Variants in WDR64 observed in about 807,000 individuals in gnomAD.
The protein encoded by WDR64 is WD repeat-containing protein 64.
A neutral mutation model predicts 139.3 loss-of-function variants in WDR64; 112 were observed. The ratio of observed to expected loss-of-function variants is 0.80; its 90% CI spans 0.69 to 0.94. The LOEUF (loss-of-function observed/expected upper bound fraction) is 0.94, where lower values mean the gene tolerates loss of function less well. Among genes scored for constraint, WDR64 ranks in the 40% least tolerant of loss-of-function variants. The pLI, the probability that WDR64 is intolerant of heterozygous loss-of-function variation, is 0.00. For missense variants in WDR64, 1,206 were observed against 1,293.1 expected (o/e 0.93, Z 1.03); for synonymous variants, 444 against 437.7 (o/e 1.01, Z -0.18).
At chr1:241,777,452 C>G (rs1658694775) in intron 21 of WDR64, among the ~76,000 whole-genome samples, 1 of 149,186 alleles carries the variant, frequency 6.7e-6, no homozygotes. Context: ...GAGTCTCGCT[C>G]TATTGCTCAG....
At position 241,660,561 on chromosome 1, in the gene WDR64, G is replaced by C; in HGVS notation, c.177G>C (p.Ser59=). Residue 59 remains serine (S), a synonymous_variant, in exon 2 of 28, where the codon TCG becomes TCC. Coordinates refer to ENST00000437684, the MANE Select transcript of WDR64 (RefSeq NM_001367482.1). ...DAIGYDKFYA[S]VQKLFGPDVK... Reference sequence around the variant, plus strand: ...TTGGTTATGACAAGTTTTATGCATCGGTACAGAAGCTCTTTGGTCCAGATG... The same window carrying C: ...TTGGTTATGACAAGTTTTATGCATCCGTACAGAAGCTCTTTGGTCCAGATG... 2 of 1,551,676 alleles carry C rather than the reference G, an allele frequency of 1.3e-6. No individual in the cohort carries two copies. Among genetic ancestry groups the C allele is most frequent in the Non-Finnish European group, 1.7e-6 (2 of 1,146,808 alleles).
intron 8 of WDR64, among the ~76,000 whole-genome samples, chr1:241,697,958 G>A (rs1046286705): frequency 3.2e-4 from 49 of 152,056 alleles, no homozygotes; most frequent in Admixed American, 2.9e-3. Flanking sequence ...TCTTAATGGT[G>A]GCATTCTCTA....
intron 9 of WDR64, 71 bp downstream of exon 9, chr1:241,711,952 T>C: frequency 7.0e-7 from 1 of 1,430,250 alleles, no homozygotes; most frequent in Non-Finnish European, 9.8e-7. Flanking sequence ...GTTTTGGTGC[T>C]AGGAAGAACA....
chr1:241,654,934 A>G (rs1159962223), intron 1 of WDR64, among the ~76,000 whole-genome samples: 4 of 152,206 alleles, frequency 2.6e-5, no homozygotes, highest in Non-Finnish European at 5.9e-5. Context: ...ATATCTCACT[A>G]TGTACAGTAT....
chr1:241,741,076 G>C (rs1669522224), intron 11 of WDR64, among the ~76,000 whole-genome samples: 1 of 152,126 alleles, frequency 6.6e-6, no homozygotes, highest in Non-Finnish European at 1.5e-5. Context: ...TCAATTTATT[G>C]GTTGAAAGGG....
At chr1:241,744,313 T>A in intron 12 of WDR64, 80 bp from the exon 13 acceptor site, 1 of 1,561,318 alleles carries the variant, frequency 6.4e-7, no homozygotes, top group Non-Finnish European at 8.7e-7. Context: ...TTTGAGGCTG[T>A]TTTGAATATG....
At chr1:241,707,611 G>A (rs1668000120) in intron 8 of WDR64, among the ~76,000 whole-genome samples, 1 of 152,082 alleles carries the variant, frequency 6.6e-6, no homozygotes. Context: ...TGCTCAGAAA[G>A]TATGATGAAT....
chr1:241,668,065 G>A (rs1220918783), intron 2 of WDR64, among the ~76,000 whole-genome samples: 1 of 152,152 alleles, frequency 6.6e-6, no homozygotes, highest in African/African-American at 2.4e-5. Context: ...AGCAAAAATA[G>A]GACGCAGGTT....
At chr1:241,736,044 A>C (rs1669311889) in intron 10 of WDR64, among the ~76,000 whole-genome samples, 1 of 152,110 alleles carries the variant, frequency 6.6e-6, no homozygotes, top group Non-Finnish European at 1.5e-5. Flanking sequence ...CATATCTTTG[A>C]AAAAGCTACA....
At chr1:241,704,999 T>A (rs1667876055) in intron 8 of WDR64, among the ~76,000 whole-genome samples, 1 of 152,164 alleles carries the variant, frequency 6.6e-6, no homozygotes, top group East Asian at 1.9e-4. Context: ...AGGGTTATTT[T>A]GTCTGCCTTC....
intron 8 of WDR64, among the ~76,000 whole-genome samples, chr1:241,711,073 C>T (rs1011521029): frequency 2.0e-5 from 3 of 152,030 alleles, no homozygotes; most frequent in Non-Finnish European, 4.4e-5. Context: ...ACTATCTCTG[C>T]TAAAAATACA....
At chr1:241,684,451 T>C (rs76465314) in intron 7 of WDR64, among the ~76,000 whole-genome samples, 3,002 of 152,312 alleles carry the variant, frequency 0.02, 99 homozygotes, top group African/African-American at 0.069. Context: ...TTGAGAAAGG[T>C]ATGTATTACT....
At chr1:241,671,839 T>C (rs930544026) in intron 3 of WDR64, among the ~76,000 whole-genome samples, 1 of 152,152 alleles carries the variant, frequency 6.6e-6, no homozygotes, top group Non-Finnish European at 1.5e-5. Flanking sequence ...GCATTTCCTC[T>C]CATATTCTGA....
At chr1:241,690,107 C>T (rs74340222) in intron 8 of WDR64, among the ~76,000 whole-genome samples, 229 of 152,022 alleles carry the variant, frequency 1.5e-3, no homozygotes, top group South Asian at 3.7e-3. Flanking sequence ...TCAGAAAGCA[C>T]CAAGAAGGAT....
At chr1:241,731,671 T>C (rs904129692) in intron 10 of WDR64, among the ~76,000 whole-genome samples, 2 of 152,190 alleles carry the variant, frequency 1.3e-5, no homozygotes, top group Non-Finnish European at 2.9e-5. Flanking sequence ...TTCGTTTTTG[T>C]ACTGTTTGAA....
At chr1:241,688,222 A>G (rs1317070069) in intron 8 of WDR64, among the ~76,000 whole-genome samples, 1 of 152,190 alleles carries the variant, frequency 6.6e-6, no homozygotes, top group African/African-American at 2.4e-5. Flanking sequence ...TAATATCAAA[A>G]AAAGGGCACA....
At chr1:241,752,686 C>T (rs1378297041) in intron 14 of WDR64, among the ~76,000 whole-genome samples, 1 of 152,054 alleles carries the variant, frequency 6.6e-6, no homozygotes, top group African/African-American at 2.4e-5. Context: ...ACCATCTCTA[C>T]CAAAAAATGT....
At position 241,674,259 on chromosome 1, in the gene WDR64, TTC is replaced by T. The variant is rs1242830687; in HGVS notation, c.380-383_380-382del. 4.4e-5 allele frequency among the ~76,000 whole-genome samples: 6 copies of T among 136,890 alleles called. 3 individuals are homozygous for T. The highest frequency in any genetic ancestry group is 2.9e-4 in the Admixed American group (4 of 13,862). 89.8% of individuals were successfully genotyped at this position (136,890 alleles called of 152,430 possible). A position where few individuals can be genotyped will look rare whatever the true frequency, so the allele number is the denominator to read the frequency against. On this transcript the variant is annotated intron_variant, in intron 3 of 27. Coordinates refer to ENST00000437684, the MANE Select transcript of WDR64 (RefSeq NM_001367482.1). ...CTGGCTGTTTATCTTTTTTTTTCTT[TTC>T]TTTTTTTTTTTTTTTGAGACAGGGT... is the stretch of plus-strand genomic sequence containing the variant.
intron 9 of WDR64, among the ~76,000 whole-genome samples, chr1:241,718,310 T>C (rs1199134476): frequency 6.6e-6 from 1 of 152,128 alleles, no homozygotes; most frequent in African/African-American, 2.4e-5. Context: ...AGAAGGAGTC[T>C]GAACTCCGTT....
Sources: gnomAD v4.1 joint callset for allele counts (sites outside exome capture counted in the v4.1 genomes callset) on GRCh38, gnomAD v4.1.1 for gene constraint, MANE v1.5 for transcripts, NCBI Gene and HGNC (gene_info 2026-07-23, HGNC 2026-07-21) for gene names.